Variants in NIBAN1 observed in about 807,000 individuals in gnomAD.
NIBAN1 encodes the protein niban apoptosis regulator 1.
NIBAN1 carries 81 observed loss-of-function variants against 75.1 expected under a neutral mutation model. That is an observed-to-expected ratio of 1.08 (90% CI 0.90 to 1.30). The LOEUF is 1.30. Among genes scored for constraint, NIBAN1 ranks in the 50% most tolerant of loss-of-function variants. The pLI is 0.00. For missense variants in NIBAN1, 1,133 were observed against 1,128.1 expected (o/e 1.00, Z -0.06); for synonymous variants, 436 against 424.8 (o/e 1.03, Z -0.32).
intron 1 of NIBAN1, among the ~76,000 whole-genome samples, chr1:184,915,784 A>T (rs1263757515): frequency 1.3e-5 from 2 of 152,214 alleles, no homozygotes; most frequent in Non-Finnish European, 2.9e-5. Context: ...ACAGAGACAG[A>T]GAGACATAGG....
chr1:184,864,627 T>TA (rs937852829), intron 5 of NIBAN1, among the ~76,000 whole-genome samples: 22 of 150,156 alleles, frequency 1.5e-4, no homozygotes, highest in Admixed American at 3.3e-4. Flanking sequence ...AAGGTGACTG[T>TA]AAAAAAAAAT....
intron 1 of NIBAN1, among the ~76,000 whole-genome samples, chr1:184,922,144 T>C (rs903689061): frequency 5.9e-5 from 9 of 152,186 alleles, no homozygotes; most frequent in African/African-American, 2.2e-4. Flanking sequence ...TATGTATTTA[T>C]GGGATACATG....
At chr1:184,914,503 C>T (rs927195715) in intron 1 of NIBAN1, among the ~76,000 whole-genome samples, 4 of 152,130 alleles carry the variant, frequency 2.6e-5, no homozygotes, top group Non-Finnish European at 5.9e-5. Flanking sequence ...TAACATGGGG[C>T]TACTGAACAC....
intron 2 of NIBAN1, among the ~76,000 whole-genome samples, chr1:184,896,503 T>G (rs748856381): frequency 3.3e-5 from 5 of 152,154 alleles, no homozygotes; most frequent in Non-Finnish European, 7.4e-5. Flanking sequence ...TATCTGTTTA[T>G]TTTGTTGACT....
chr1:184,964,541 C>T (rs1658729517), intron 1 of NIBAN1, among the ~76,000 whole-genome samples: 1 of 152,186 alleles, frequency 6.6e-6, no homozygotes, highest in Non-Finnish European at 1.5e-5. Flanking sequence ...TCTCTGTAAA[C>T]CTTGATTGCT....
chr1:184,805,838 T>G, intron 11 of NIBAN1, 108 bp downstream of exon 11: 5 of 801,638 alleles, frequency 6.2e-6, no homozygotes, highest in East Asian at 2.7e-5. Context: ...GAGAAAGGAG[T>G]GGGGAAAGAT....
At position 184,795,549 on chromosome 1, in the gene NIBAN1, G is replaced by A. The variant is rs1653829531; in HGVS notation, c.2215C>T (p.His739Tyr). Residue 739 changes from histidine (H) to tyrosine (Y), a missense_variant, in exon 14 of 14, where the codon CAC (histidine) becomes TAC (tyrosine). By Grantham distance (83) the His-to-Tyr change is moderately conservative. Coordinates refer to ENST00000367511, the MANE Select transcript of NIBAN1 (RefSeq NM_052966.4). ...VMEEDTNGES[H>Y]VPQENEEEEE... ...TCTTCTTCATTTTCTTGGGGAACGT[G>A]GCTCTCCCCATTCGTATCTTCTTCC... 4.3e-6 allele frequency: 7 copies of A among 1,614,140 alleles called. No individual in the cohort carries two copies. Among genetic ancestry groups the A allele is most frequent in the Middle Eastern group, 3.3e-4 (2 of 6,062 alleles).
chr1:184,900,347 G>C (rs986525741), intron 1 of NIBAN1, among the ~76,000 whole-genome samples: 26 of 152,152 alleles, frequency 1.7e-4, no homozygotes, highest in Non-Finnish European at 1.5e-4. Context: ...GAAACCAGCT[G>C]TACAACCTCA....
intron 5 of NIBAN1, among the ~76,000 whole-genome samples, chr1:184,870,913 G>T (rs997495593): frequency 2.6e-5 from 4 of 152,108 alleles, no homozygotes; most frequent in African/African-American, 9.7e-5. Flanking sequence ...AAATTCATAC[G>T]TTGAAATCTT....
chr1:184,866,006 CA>C (rs773895331), intron 5 of NIBAN1, among the ~76,000 whole-genome samples: 1 of 152,028 alleles, frequency 6.6e-6, no homozygotes, highest in Non-Finnish European at 1.5e-5. Context: ...TTATCATTTC[CA>C]GATGCTTTTT....
chr1:184,826,105 C>T (rs748563295), intron 6 of NIBAN1, among the ~76,000 whole-genome samples: 5 of 152,138 alleles, frequency 3.3e-5, no homozygotes, highest in African/African-American at 7.2e-5. Flanking sequence ...TGGAGGTGGA[C>T]GAGCTATCCA....
chr1:184,889,685 G>C (rs1011346030), intron 4 of NIBAN1, among the ~76,000 whole-genome samples: 5 of 152,118 alleles, frequency 3.3e-5, no homozygotes, highest in African/African-American at 9.7e-5. Context: ...AAGATACCTG[G>C]CTGACAGCAC....
chr1:184,956,071 G>A (rs1658484258), intron 1 of NIBAN1, among the ~76,000 whole-genome samples: 1 of 151,264 alleles, frequency 6.6e-6, no homozygotes, highest in South Asian at 2.1e-4. Flanking sequence ...CTCTTGCCTA[G>A]GCCGGAATGC....
At position 184,798,180 on chromosome 1, in the gene NIBAN1, T is replaced by A. The variant is rs201028236; in HGVS notation, c.1565A>T (p.Lys522Ile). ...ATCTGCAAAGATGAACTGCTCGTAT[T>A]TCTGAAGCTCCTGGAGAGCAAGAGA... ...LASTCKPELQ[K>I]YEQFIFADHT... is the part of the protein sequence containing the mutation. The change falls in exon 13 of 14, where the codon AAA becomes ATA. Residue 522 changes from lysine to isoleucine, a missense_variant. Coordinates refer to ENST00000367511, the MANE Select transcript of NIBAN1 (RefSeq NM_052966.4). 1.2e-6 allele frequency: 2 copies of A among 1,600,684 alleles called. No homozygotes were observed. Among genetic ancestry groups the A allele is most frequent in the South Asian group, 1.1e-5 (1 of 90,208 alleles).
intron 5 of NIBAN1, among the ~76,000 whole-genome samples, chr1:184,876,570 G>A (rs1168561502): frequency 6.6e-6 from 1 of 151,776 alleles, no homozygotes. Flanking sequence ...GTGTGGTAGT[G>A]TGCGCTTGTA....
At chr1:184,844,632 C>T (rs1345472449) in intron 5 of NIBAN1, among the ~76,000 whole-genome samples, 1 of 152,126 alleles carries the variant, frequency 6.6e-6, no homozygotes, top group Non-Finnish European at 1.5e-5. Context: ...AAATAATAGG[C>T]ACAATATAGA....
intron 1 of NIBAN1, among the ~76,000 whole-genome samples, chr1:184,973,933 C>A (rs1372727152): frequency 6.6e-6 from 1 of 152,240 alleles, no homozygotes; most frequent in African/African-American, 2.4e-5. Context: ...CGCGGGATAT[C>A]CCCGCTGCTC....
intron 5 of NIBAN1, among the ~76,000 whole-genome samples, chr1:184,873,048 G>A (rs1656149746): frequency 6.6e-6 from 1 of 152,134 alleles, no homozygotes. Flanking sequence ...CTTCAGTAAT[G>A]GAAGCCAGAA....
At chr1:184,928,021 G>T (rs962074356) in intron 1 of NIBAN1, among the ~76,000 whole-genome samples, 3 of 152,056 alleles carry the variant, frequency 2.0e-5, no homozygotes, top group African/African-American at 7.2e-5. Context: ...CCTGGGTACT[G>T]CTGATGTTTA....
Sources: allele counts gnomAD v4.1 joint callset (sites outside exome capture counted in the v4.1 genomes callset), GRCh38; gene constraint gnomAD v4.1.1; transcripts MANE v1.5; gene names NCBI Gene and HGNC (gene_info 2026-07-23, HGNC 2026-07-21).